Variants in AEBP2 observed in about 807,000 individuals in gnomAD.
The protein encoded by AEBP2 is AE binding protein 2, also known as zinc finger protein AEBP2.
In AEBP2, 10 loss-of-function variants were observed where a neutral mutation model predicts 50.8. The observed-to-expected ratio is 0.20, with a 90% CI of 0.12 to 0.33. The LOEUF (loss-of-function observed/expected upper bound fraction) is 0.33. Among genes scored for constraint, AEBP2 ranks in the 10% least tolerant of loss-of-function variants. The pLI is 1.00. For missense variants in AEBP2, 570 were observed against 688.0 expected (o/e 0.83, Z 1.92); for synonymous variants, 296 against 261.3 (o/e 1.13, Z -1.28).
intron 1 of AEBP2, among the ~76,000 whole-genome samples, chr12:19,416,324 T>C (rs1391983172): frequency 6.6e-6 from 1 of 152,254 alleles, no homozygotes; most frequent in African/African-American, 2.4e-5. Flanking sequence ...TATTCAATAT[T>C]GCTCATTACT....
At chr12:19,472,981 T>C (rs1004764054) in intron 2 of AEBP2, among the ~76,000 whole-genome samples, 2 of 152,140 alleles carry the variant, frequency 1.3e-5, no homozygotes, top group African/African-American at 4.8e-5. Flanking sequence ...CCAAGGGATA[T>C]ATTGCTAATA....
At position 19,439,604 on chromosome 12, in the gene AEBP2, G is replaced by C; in HGVS notation, c.-96G>C. The C allele has an allele frequency of 1.4e-6, 2 of 1,433,490 alleles. No individual in the cohort carries two copies. The highest frequency in any genetic ancestry group is 1.8e-6 in the Non-Finnish European group (2 of 1,084,436). 88.8% of individuals were successfully genotyped at this position (1,433,490 alleles called of 1,614,324 possible). ...CCTCCTGCTCTGCAGCGGCGTCGGC[G>C]GAGTTTTGGGCGTTTGGGAGGGGGG... is the stretch of plus-strand genomic sequence containing the variant. On this transcript the variant is annotated 5_prime_UTR_variant, in exon 1 of 8. Transcript: ENST00000266508.
chr12:19,448,194 A>T (rs1041655635), intron 1 of AEBP2, among the ~76,000 whole-genome samples: 1 of 152,196 alleles, frequency 6.6e-6, no homozygotes, highest in Non-Finnish European at 1.5e-5. Flanking sequence ...GGCGTGAGCC[A>T]CTGTGCCTTG....
chr12:19,472,786 G>A (rs1948590760), intron 2 of AEBP2, among the ~76,000 whole-genome samples: 1 of 152,018 alleles, frequency 6.6e-6, no homozygotes, highest in Non-Finnish European at 1.5e-5. Flanking sequence ...GAAAATATCA[G>A]TATCTTCTAA....
intron 7 of AEBP2, among the ~76,000 whole-genome samples, chr12:19,515,601 A>G (rs748960027): frequency 1.3e-5 from 2 of 152,172 alleles, no homozygotes; most frequent in South Asian, 2.1e-4. Context: ...TCTTTTTTCA[A>G]TGAAACTTTG....
chr12:19,453,779 T>C (rs1833384645), intron 1 of AEBP2, among the ~76,000 whole-genome samples: 1 of 152,054 alleles, frequency 6.6e-6, no homozygotes, highest in African/African-American at 2.4e-5. Flanking sequence ...TATGTCAGTT[T>C]TAGCATCCAG....
intron 2 of AEBP2, among the ~76,000 whole-genome samples, chr12:19,467,523 A>C (rs1206238950): frequency 1.3e-5 from 2 of 151,456 alleles, no homozygotes; most frequent in African/African-American, 4.9e-5. Context: ...CGAACACCTG[A>C]CCTCAGGTGA....
intron 7 of AEBP2, among the ~76,000 whole-genome samples, chr12:19,515,821 T>C (rs1949309034): frequency 6.6e-6 from 1 of 152,176 alleles, no homozygotes; most frequent in Non-Finnish European, 1.5e-5. Flanking sequence ...TTTTTTTGGC[T>C]GGGCCCAGTG....
chr12:19,440,116 G>C lies in AEBP2; in HGVS notation c.417G>C (p.Ser139=). Residue 139 remains serine (S), a synonymous_variant, in exon 1 of 8, where the codon TCG becomes TCC. Transcript: ENST00000266508. The part of the protein sequence containing the change: ...SGGSSSDETR[S]LSPGAASSSS... The stretch of plus-strand genomic sequence containing the variant: ...GGAGCAGCAGCGACGAGACCCGCTC[G>C]TTGAGCCCCGGCGCCGCCAGCAGCA... The C allele has an allele frequency of 6.6e-7, 1 of 1,505,204 alleles. No individual in the cohort carries two copies. The highest frequency in any genetic ancestry group is 2.7e-5 in the East Asian group (1 of 36,964). 93.2% of individuals were successfully genotyped at this position (1,505,204 alleles called of 1,614,324 possible).
upstream of AEBP2, among the ~76,000 whole-genome samples, chr12:19,437,141 CAGAG>C (rs1428736215): frequency 6.6e-6 from 1 of 152,224 alleles, no homozygotes; most frequent in African/African-American, 2.4e-5. Flanking sequence ...GAATGCTACA[CAGAG>C]AGGTCAAGAC....
chr12:19,504,452 G>A (rs1336855854), intron 5 of AEBP2, among the ~76,000 whole-genome samples: 1 of 151,650 alleles, frequency 6.6e-6, no homozygotes, highest in Non-Finnish European at 1.5e-5. Context: ...GTGTTAGCAA[G>A]GATGCTCTCG....
intron 2 of AEBP2, among the ~76,000 whole-genome samples, chr12:19,466,581 C>T (rs1212384943): frequency 6.6e-6 from 1 of 152,196 alleles, no homozygotes; most frequent in African/African-American, 2.4e-5. Context: ...AAATCTATAC[C>T]CATTAAACAA....
chr12:19,498,227 TA>T (rs1417025731), intron 4 of AEBP2, among the ~76,000 whole-genome samples: 1 of 152,206 alleles, frequency 6.6e-6, no homozygotes, highest in Admixed American at 6.5e-5. Context: ...TGGAGAAAGT[TA>T]CACATTTTTT....
chr12:19,489,383 A>G (rs914663685), intron 3 of AEBP2, among the ~76,000 whole-genome samples: 3 of 152,164 alleles, frequency 2.0e-5, no homozygotes, highest in Non-Finnish European at 2.9e-5. Flanking sequence ...GAACTCCCAC[A>G]CTATGACAAG....
chr12:19,439,996 G>A lies in AEBP2; in HGVS notation c.297G>A (p.Glu99=), dbSNP rs1389277739. 1 of 1,525,324 alleles carries A rather than the reference G, an allele frequency of 6.6e-7. No individual in the cohort carries two copies. The highest frequency in any genetic ancestry group is 1.4e-5 in the African/African-American group (1 of 70,404). 94.5% of individuals were successfully genotyped at this position (1,525,324 alleles called of 1,614,324 possible). A position where few individuals can be genotyped will look rare whatever the true frequency, so the allele number is the denominator to read the frequency against. The change falls in exon 1 of 8, where the codon GAG becomes GAA. Residue 99 remains glutamate, a synonymous_variant. Coordinates refer to ENST00000266508, the MANE Select transcript of AEBP2 (RefSeq NM_153207.5). Reference sequence around the variant, plus strand: ...GCCAGGCCGGGGAGGACGAAGACGAGGAGGAGGACGACGAGGAGGAGGAAG... The same window carrying A: ...GCCAGGCCGGGGAGGACGAAGACGAAGAGGAGGACGACGAGGAGGAGGAAG... ...SASQAGEDED[E]EEDDEEEEDE...
chr12:19,507,278 A>G (rs2120564792), intron 5 of AEBP2, among the ~76,000 whole-genome samples: 1 of 152,310 alleles, frequency 6.6e-6, no homozygotes, highest in East Asian at 1.9e-4. Context: ...TCTACAGATA[A>G]GGGAGAAGTG....
intron 1 of AEBP2, among the ~76,000 whole-genome samples, chr12:19,432,636 G>T (rs2095752020): frequency 6.6e-6 from 1 of 152,184 alleles, no homozygotes; most frequent in Non-Finnish European, 1.5e-5. Flanking sequence ...TGAGTCTACA[G>T]TGAGCCATGA....
chr12:19,438,806 CTG>C (rs1234010449), upstream of AEBP2, among the ~76,000 whole-genome samples: 3 of 152,098 alleles, frequency 2.0e-5, no homozygotes, highest in African/African-American at 7.2e-5. Flanking sequence ...ATTTTCCAAA[CTG>C]TATTTTAAAA....
chr12:19,428,628 A>G (rs2095749823), intron 1 of AEBP2, among the ~76,000 whole-genome samples: 1 of 152,176 alleles, frequency 6.6e-6, no homozygotes, highest in African/African-American at 2.4e-5. Context: ...CCTGGCCAAC[A>G]TAGTGAAACG....
Sources: gnomAD v4.1 joint callset for allele counts (sites outside exome capture counted in the v4.1 genomes callset) on GRCh38, gnomAD v4.1.1 for gene constraint, MANE v1.5 for transcripts, NCBI Gene and HGNC (gene_info 2026-07-23, HGNC 2026-07-21) for gene names.